CC2D2B: variants seen among roughly 807,000 people sequenced by gnomAD.
CC2D2B encodes the protein protein CC2D2B.
In CC2D2B, 128 loss-of-function variants were observed where a neutral mutation model predicts 161.2. That is an observed-to-expected ratio of 0.79 (90% confidence interval 0.69 to 0.92). The LOEUF (loss-of-function observed/expected upper bound fraction) is 0.92. Among genes scored for constraint, CC2D2B ranks in the 40% least tolerant of loss-of-function variants. The pLI, the probability that CC2D2B is intolerant of heterozygous loss-of-function variation, is 0.00. For synonymous variants in CC2D2B, 391 were observed against 449.8 expected (o/e 0.87, Z 1.65); for missense variants, 1,173 against 1,375.1 (o/e 0.85, Z 2.32).
At chr10:96,009,740 T>C in intron 25 of CC2D2B, 85 bp from the exon 26 acceptor site, 1 of 509,276 alleles carries the variant, frequency 2.0e-6, no homozygotes, top group Non-Finnish European at 3.3e-6. Flanking sequence ...AGAAAGAGAA[T>C]GACTTTTTAT....
chr10:95,983,765 CA>C lies in CC2D2B; in HGVS notation c.2245del (p.Met749CysfsTer11). The C allele has an allele frequency of 2.4e-6, 3 of 1,230,974 alleles. No homozygotes were observed. The highest frequency in any genetic ancestry group is 3.0e-6 in the Non-Finnish European group (3 of 987,018). The allele number at this position is 1,230,974 out of a possible 1,614,324, so 76.3% of individuals were successfully genotyped here. A position where few individuals can be genotyped will look rare whatever the true frequency, so the allele number is the denominator to read the frequency against. On this transcript the variant is annotated frameshift_variant, in exon 19 of 35. Transcript: ENST00000646931. LOFTEE classifies it high-confidence loss of function. Reference protein sequence around the residue: ...AGQLDNFLLQQMPLHDTEIPD... With the variant: ...AGQLDNFLLQXMPLHDTEIPD... ...TCAATTAGATAATTTCCTTCTACAG[CA>C]AATGCCCCTCCATGATACAGAGATT...
intron 23 of CC2D2B, among the ~76,000 whole-genome samples, chr10:95,995,575 G>T (rs906326093): frequency 6.6e-6 from 1 of 152,154 alleles, no homozygotes; most frequent in African/African-American, 2.4e-5. Flanking sequence ...TCCTTAAAAT[G>T]GCTACAAAAT....
intron 9 of CC2D2B, among the ~76,000 whole-genome samples, chr10:95,941,202 T>C (rs2076010933): frequency 6.6e-6 from 1 of 151,968 alleles, no homozygotes; most frequent in African/African-American, 2.4e-5. Context: ...CGAGATGGAG[T>C]AAAGACTTAA....
At position 95,947,246 on chromosome 10, in the gene CC2D2B, G is replaced by A. The variant is rs563052058; in HGVS notation, c.802-2650G>A. On this transcript the variant is annotated intron_variant, in intron 9 of 34. Transcript: ENST00000646931. Reference sequence around the variant, plus strand: ...TCCTGCCTCAGCCTCCCAAGTAGTCGGGATTACAGGGACCCATCACCACTC... The same window carrying A: ...TCCTGCCTCAGCCTCCCAAGTAGTCAGGATTACAGGGACCCATCACCACTC... Among the ~76,000 whole-genome samples the A allele has an allele frequency of 2.2e-3, 332 of 149,110 alleles. 1 individual carries two copies. The highest frequency in any genetic ancestry group is 3.8e-3 in the Non-Finnish European group (255 of 67,088).
chr10:95,945,920 G>A (rs2076182693), intron 9 of CC2D2B, among the ~76,000 whole-genome samples: 1 of 151,780 alleles, frequency 6.6e-6, no homozygotes, highest in Non-Finnish European at 1.5e-5. Context: ...GAGTAGCTGG[G>A]ATTACAGGTG....
chr10:96,003,021 A>ATATATATATATATATAT (rs2078571748), intron 24 of CC2D2B, among the ~76,000 whole-genome samples: 3 of 140,702 alleles, frequency 2.1e-5, no homozygotes, highest in African/African-American at 5.2e-5. Flanking sequence ...AAAATAAATA[A>ATATATATATATATATAT]ATATATATAT....
chr10:95,991,415 A>G lies in CC2D2B; in HGVS notation c.2425A>G (p.Asn809Asp). ...MKRIVKISKC[N>D]LSDIVNDYEE... ...GAGAATTGTTAAAATTAGCAAATGT[A>G]ACTTGTCAGATATTGTGAATGATTA... Residue 809 changes from asparagine to aspartate, a missense_variant, in exon 21 of 35, where the codon AAC becomes GAC. By Grantham distance (23) the Asn-to-Asp change is conservative (BLOSUM62 1). This residue lies in a region of CC2D2B where 598 missense variants were observed against 693.2 expected (regional missense o/e 0.86). Coordinates refer to ENST00000646931, the MANE Select transcript of CC2D2B (RefSeq NM_001349008.3). The G allele has an allele frequency of 2.6e-6, 3 of 1,153,762 alleles. No individual in the cohort carries two copies. The highest frequency in any genetic ancestry group is 3.3e-6 in the Non-Finnish European group (3 of 915,996). 71.5% of individuals were successfully genotyped at this position (1,153,762 alleles called of 1,614,324 possible).
intron 33 of CC2D2B, among the ~76,000 whole-genome samples, chr10:96,026,909 G>A (rs2079804850): frequency 6.6e-6 from 1 of 152,168 alleles, no homozygotes; most frequent in African/African-American, 2.4e-5. Flanking sequence ...GATCACCTGA[G>A]GTCAGGAGTT....
intron 33 of CC2D2B, among the ~76,000 whole-genome samples, chr10:96,025,166 T>TATAAAAAAAAAAAAAA (rs1590934317): frequency 2.0e-4 from 2 of 9,972 alleles, no homozygotes; most frequent in Non-Finnish European, 1.6e-4. Flanking sequence ...TATATATATA[T>TATAAAAAAAAAAAAAA]ATATATATAT....
intron 3 of CC2D2B, 44 bp from the exon 4 acceptor site, chr10:95,924,270 T>C (rs891707855): frequency 9.8e-7 from 1 of 1,022,710 alleles, no homozygotes; most frequent in Non-Finnish European, 1.4e-6. Flanking sequence ...TGTTTAATTA[T>C]AATAAAGTGT....
At chr10:95,983,943 A>G (rs763658928) in intron 19 of CC2D2B, 134 bp downstream of exon 19, 2 of 426,570 alleles carry the variant, frequency 4.7e-6, no homozygotes, top group African/African-American at 2.0e-5. Flanking sequence ...CTCTTTAGGC[A>G]TTAAAAATAT....
intron 17 of CC2D2B, among the ~76,000 whole-genome samples, chr10:95,977,853 T>C (rs2077374208): frequency 6.6e-6 from 1 of 152,234 alleles, no homozygotes; most frequent in African/African-American, 2.4e-5. Context: ...TTCTCTCTGA[T>C]AATATTGAAA....
intron 34 of CC2D2B, among the ~76,000 whole-genome samples, chr10:96,029,288 A>ATATATATATATATATATATATATG (rs1564689326): frequency 2.7e-5 from 2 of 74,482 alleles, no homozygotes; most frequent in Admixed American, 1.2e-4. Context: ...ATATATATGT[A>ATATATATATATATATATATATATG]TATATATATA....
intron 20 of CC2D2B, 142 bp from the exon 21 acceptor site, chr10:95,991,228 G>T (rs1268574036): frequency 3.0e-6 from 1 of 334,914 alleles, no homozygotes; most frequent in African/African-American, 2.1e-5. Flanking sequence ...AAACAGAAGA[G>T]TATTTTCACT....
intron 24 of CC2D2B, among the ~76,000 whole-genome samples, chr10:95,999,433 A>G (rs1406735052): frequency 6.6e-6 from 1 of 150,686 alleles, no homozygotes; most frequent in Non-Finnish European, 1.5e-5. Flanking sequence ...ATGACCTTTC[A>G]TTACTTTTGT....
intron 22 of CC2D2B, among the ~76,000 whole-genome samples, chr10:95,993,873 GTATATA>G (rs1191037973): frequency 2.5e-5 from 2 of 80,800 alleles, no homozygotes; most frequent in African/African-American, 5.4e-5. Flanking sequence ...GAGAGAGAGT[GTATATA>G]TATATATATA....
intron 6 of CC2D2B, among the ~76,000 whole-genome samples, chr10:95,927,942 C>G (rs576002279): frequency 6.6e-6 from 1 of 152,242 alleles, no homozygotes; most frequent in East Asian, 1.9e-4. Context: ...TGACTTGTCT[C>G]CCTATCTGCT....
Position 95,995,282 on chromosome 10 carries a change from C to T in CC2D2B, c.2656C>T (p.Pro886Ser), listed in dbSNP as rs1405666912. Residue 886 changes from proline (P) to serine (S), a missense_variant, in exon 23 of 35, where the codon CCT becomes TCT. Physicochemically the swap from Pro to Ser is moderately conservative, Grantham distance 74. Coordinates refer to ENST00000646931, the MANE Select transcript of CC2D2B (RefSeq NM_001349008.3). ...KTTINGSLDM[P>S]TCLKSSISCL... ...TTTTTCCTGAAGATCCTTGGATATGCCTACTTGTTTGAAATCATCTATATC... is the reference window on the plus strand; with the variant it reads ...TTTTTCCTGAAGATCCTTGGATATGTCTACTTGTTTGAAATCATCTATATC... 6.6e-6 allele frequency: 10 copies of T among 1,523,190 alleles called. No individual in the cohort carries two copies. The Admixed American group carries it at 1.6e-4, about 25-fold the overall frequency. The allele number at this position is 1,523,190 out of a possible 1,614,324, so 94.4% of individuals were successfully genotyped here.
chr10:95,964,348 A>G (rs2076868646), intron 12 of CC2D2B, among the ~76,000 whole-genome samples: 1 of 152,146 alleles, frequency 6.6e-6, no homozygotes, highest in Admixed American at 6.6e-5. Context: ...TCAGTTAGGA[A>G]TTTCTAAAAA....
Sources: gnomAD v4.1 joint callset for allele counts (sites outside exome capture counted in the v4.1 genomes callset) on GRCh38, gnomAD v4.1.1 for gene constraint, gnomAD v4.1.1 regional missense constraint, MANE v1.5 for transcripts, NCBI Gene and HGNC (gene_info 2026-07-23, HGNC 2026-07-21) for gene names.